Variants in MSRA observed in about 807,000 individuals in gnomAD.
MSRA encodes the protein methionine sulfoxide reductase A, also known as mitochondrial peptide methionine sulfoxide reductase.
Under a neutral mutation model 31.3 loss-of-function variants are expected in MSRA, and 54 were observed. The observed-to-expected ratio is 1.73, with a 90% CI of 1.39 to 2.17. The LOEUF is 2.17. Ranked by LOEUF, MSRA falls within the 30% of genes most tolerant of loss-of-function variation. The pLI, the probability that MSRA is intolerant of heterozygous loss-of-function variation, is 0.00. For synonymous variants in MSRA, 169 were observed against 116.5 expected (o/e 1.45, Z -2.90); for missense variants, 507 against 300.9 (o/e 1.69, Z -5.07).
chr8:10,172,745 G>A (rs7823314), intron 1 of MSRA, among the ~76,000 whole-genome samples: 11,409 of 152,192 alleles, frequency 0.075, 484 homozygotes, highest in African/African-American at 0.12. Flanking sequence ...AGGAGGCCAG[G>A]TCACTGGGCA....
chr8:10,102,025 A>G (rs1799561701), intron 1 of MSRA, among the ~76,000 whole-genome samples: 1 of 152,104 alleles, frequency 6.6e-6, no homozygotes, highest in Non-Finnish European at 1.5e-5. Flanking sequence ...TTTGCCCTTC[A>G]GCTAAGATGT....
intron 5 of MSRA, among the ~76,000 whole-genome samples, chr8:10,334,141 TTA>T (rs1490643807): frequency 6.6e-6 from 1 of 150,778 alleles, no homozygotes; most frequent in Non-Finnish European, 1.5e-5. Flanking sequence ...ATATCATCTC[TTA>T]TCTTACCAAC....
At chr8:10,409,674 C>T (rs1327828494) in intron 5 of MSRA, among the ~76,000 whole-genome samples, 2 of 152,232 alleles carry the variant, frequency 1.3e-5, no homozygotes, top group South Asian at 2.1e-4. Flanking sequence ...CACCCCTAGG[C>T]CCTCCTCGCC....
At chr8:10,280,057 C>G (rs7822975) in intron 3 of MSRA, among the ~76,000 whole-genome samples, 38,668 of 152,072 alleles carry the variant, frequency 0.25, 5,081 homozygotes, top group East Asian at 0.33. Flanking sequence ...CTTTCTGGGC[C>G]AACTTTGGGA....
chr8:10,305,150 A>G (rs935358837), intron 4 of MSRA, among the ~76,000 whole-genome samples: 16 of 152,206 alleles, frequency 1.1e-4, no homozygotes, highest in Non-Finnish European at 2.1e-4. Flanking sequence ...TTTGGTTATA[A>G]TTCACTGCAT....
At chr8:10,372,948 C>G (rs536867880) in intron 5 of MSRA, among the ~76,000 whole-genome samples, 52 of 152,328 alleles carry the variant, frequency 3.4e-4, no homozygotes, top group African/African-American at 1.2e-3. Flanking sequence ...GAGTGCAGTG[C>G]TGCGATCTCG....
chr8:10,178,547 T>A (rs1282101603), intron 1 of MSRA, among the ~76,000 whole-genome samples: 1 of 152,226 alleles, frequency 6.6e-6, no homozygotes, highest in Non-Finnish European at 1.5e-5. Context: ...CACAGAGTTA[T>A]AAGTGCAGCG....
intron 1 of MSRA, among the ~76,000 whole-genome samples, chr8:10,164,427 G>C (rs1804943391): frequency 6.6e-6 from 1 of 152,136 alleles, no homozygotes; most frequent in African/African-American, 2.4e-5. Flanking sequence ...CGGTGCAAAG[G>C]AATGGCCCTC....
intron 5 of MSRA, among the ~76,000 whole-genome samples, chr8:10,394,277 C>G (rs1002568230): frequency 5.3e-5 from 8 of 152,120 alleles, no homozygotes; most frequent in South Asian, 2.1e-4. Flanking sequence ...CCTGTAGTCC[C>G]CAGCGACGAT....
At chr8:10,111,345 T>C (rs780948233) in intron 1 of MSRA, among the ~76,000 whole-genome samples, 3 of 152,136 alleles carry the variant, frequency 2.0e-5, no homozygotes, top group Non-Finnish European at 4.4e-5. Context: ...CCCTCCCTCA[T>C]TGAGATGCTA....
At chr8:10,196,284 C>T (rs1340747725) in intron 1 of MSRA, among the ~76,000 whole-genome samples, 1 of 152,082 alleles carries the variant, frequency 6.6e-6, no homozygotes, top group Non-Finnish European at 1.5e-5. Flanking sequence ...CTTGTAGAAA[C>T]ATTTAATGAT....
chr8:10,287,537 C>T (rs959128441), intron 3 of MSRA, among the ~76,000 whole-genome samples: 1 of 152,142 alleles, frequency 6.6e-6, no homozygotes, highest in African/African-American at 2.4e-5. Flanking sequence ...AACAAGCTAC[C>T]TAAGTCCAGA....
intron 1 of MSRA, among the ~76,000 whole-genome samples, chr8:10,187,757 C>G (rs750752580): frequency 2.6e-5 from 4 of 152,144 alleles, no homozygotes; most frequent in Non-Finnish European, 5.9e-5. Context: ...TGATAAACAT[C>G]ATGTTACCTG....
intron 3 of MSRA, among the ~76,000 whole-genome samples, chr8:10,274,948 T>C (rs1222270398): frequency 2.6e-5 from 4 of 152,234 alleles, no homozygotes; most frequent in Non-Finnish European, 4.4e-5. Flanking sequence ...TCAGTAAAGT[T>C]ATTTCACTCA....
At chr8:10,125,501 G>C (rs940185130) in intron 1 of MSRA, among the ~76,000 whole-genome samples, 2 of 152,218 alleles carry the variant, frequency 1.3e-5, no homozygotes, top group African/African-American at 4.8e-5. Flanking sequence ...GTTTGGACCT[G>C]CTGGCTGCAA....
intron 3 of MSRA, among the ~76,000 whole-genome samples, chr8:10,266,466 G>T (rs140222794): frequency 8.5e-4 from 130 of 152,236 alleles, no homozygotes; most frequent in African/African-American, 3.0e-3. Flanking sequence ...GACAGCTCTT[G>T]ATATATTCTG....
chr8:10,264,264 A>G (rs982717058), intron 3 of MSRA, among the ~76,000 whole-genome samples: 1 of 152,228 alleles, frequency 6.6e-6, no homozygotes, highest in Non-Finnish European at 1.5e-5. Context: ...CCAGTAGCTT[A>G]TGAGAACTCC....
intron 3 of MSRA, among the ~76,000 whole-genome samples, chr8:10,271,869 C>G (rs888266739): frequency 6.6e-6 from 1 of 152,102 alleles, no homozygotes; most frequent in Non-Finnish European, 1.5e-5. Flanking sequence ...TAGGCACGTG[C>G]TACCACGCCC....
chr8:10,347,346 C>G, intron 5 of MSRA, among the ~76,000 whole-genome samples: 1 of 152,176 alleles, frequency 6.6e-6, no homozygotes, highest in Admixed American at 6.5e-5. Flanking sequence ...ACTGGATATT[C>G]CACTTGCATC....
Sources: allele counts gnomAD v4.1 joint callset (sites outside exome capture counted in the v4.1 genomes callset), GRCh38; gene constraint gnomAD v4.1.1; transcripts MANE v1.5; gene names NCBI Gene and HGNC (gene_info 2026-07-23, HGNC 2026-07-21).